The following TMEM196 variants were observed in gnomAD, a reference collection of about 807,000 sequenced individuals.
TMEM196 encodes the protein transmembrane protein 196.
TMEM196 carries 17 observed loss-of-function variants against 20.0 expected under a neutral mutation model. The observed-to-expected ratio is 0.85, with a 90% CI of 0.58 to 1.27. The LOEUF (loss-of-function observed/expected upper bound fraction) is 1.27, where lower values mean the gene tolerates loss of function less well. Among genes scored for constraint, TMEM196 ranks in the 50% most tolerant of loss-of-function variants. The probability of loss-of-function intolerance (pLI) is 0.00; values close to 1 mark genes in which losing one functional copy is unlikely to be tolerated. For synonymous variants in TMEM196, 113 were observed against 88.9 expected, an observed-to-expected ratio of 1.27 and a Z score of -1.52; for missense variants, 267 against 223.0, an observed-to-expected ratio of 1.20 and a Z score of -1.26.
At chr7:19,733,312 AG>A (rs1784279170) in intron 1 of TMEM196, among the ~76,000 whole-genome samples, 1 of 152,190 alleles carries the variant, frequency 6.6e-6, no homozygotes, top group Non-Finnish European at 1.5e-5. Context: ...AAAGATGCAA[AG>A]ATGTCATTTC....
At chr7:19,729,354 G>C (rs201160695) in intron 2 of TMEM196, 28 bp downstream of exon 2, 201 of 1,543,312 alleles carry the variant, frequency 1.3e-4, no homozygotes, top group Admixed American at 1.6e-4. Context: ...ACACCTCAAT[G>C]CACAATACAA....
At chr7:19,771,098 T>A (rs1785857394) in intron 1 of TMEM196, among the ~76,000 whole-genome samples, 2 of 152,180 alleles carry the variant, frequency 1.3e-5, no homozygotes, top group Admixed American at 1.3e-4. Flanking sequence ...TATTTCTGTT[T>A]ATATGATAAC....
rs1158209664 is a variant in TMEM196, at chr7:19,773,065, A to G, written c.-369T>C. The G allele has an allele frequency of 5.7e-6, 1 of 176,822 alleles. No individual in the cohort carries two copies. The highest frequency in any genetic ancestry group is 1.4e-4 in the East Asian group (1 of 6,904). 11.0% of individuals were successfully genotyped at this position (176,822 alleles called of 1,614,324 possible). On this transcript the variant is annotated 5_prime_UTR_variant, in exon 1 of 5. Transcript: ENST00000405844. Reference sequence around the variant, plus strand: ...CTGTCCAGAGTTCTGCCGCGTCCCAAATCTCCGCAGGGAAACCCGCGCCCT... The same window carrying G: ...CTGTCCAGAGTTCTGCCGCGTCCCAGATCTCCGCAGGGAAACCCGCGCCCT...
chr7:19,723,122 T>C (rs538795443), intron 4 of TMEM196, among the ~76,000 whole-genome samples: 2 of 152,132 alleles, frequency 1.3e-5, no homozygotes, highest in Non-Finnish European at 2.9e-5. Flanking sequence ...GAGATGTACA[T>C]GGTGAAAGTC....
chr7:19,748,262 C>CAA (rs1784832442), intron 1 of TMEM196, among the ~76,000 whole-genome samples: 1 of 27,530 alleles, frequency 3.6e-5, no homozygotes, highest in East Asian at 2.0e-3. Context: ...CTGTGGCTGT[C>CAA]CAAAAAAAAA....
chr7:19,720,848 A>G lies in TMEM196; in HGVS notation c.*1280T>C, dbSNP rs1783789239. The G allele has an allele frequency of 6.6e-6, 1 of 151,926 alleles. No homozygotes were observed. The highest frequency in any genetic ancestry group is 2.1e-4 in the South Asian group (1 of 4,836). The allele number at this position is 151,926 out of a possible 1,614,324, so 9.4% of individuals were successfully genotyped here. A position where few individuals can be genotyped will look rare whatever the true frequency, so the allele number is the denominator to read the frequency against. On this transcript the variant is annotated 3_prime_UTR_variant, in exon 5 of 5. Transcript: ENST00000405844. ...ACCTAAATTAGATTACAGCAAAGGT[A>G]ATTATAACTTCATTGTTGGGGGGTT...
At chr7:19,732,512 G>A (rs1398214666) in intron 1 of TMEM196, among the ~76,000 whole-genome samples, 2 of 150,342 alleles carry the variant, frequency 1.3e-5, no homozygotes, top group Non-Finnish European at 2.9e-5. Flanking sequence ...GGCGGAGCTT[G>A]CAGTGAGCCG....
intron 4 of TMEM196, among the ~76,000 whole-genome samples, chr7:19,722,800 C>A (rs1783855426): frequency 6.6e-6 from 1 of 152,088 alleles, no homozygotes; most frequent in South Asian, 2.1e-4. Flanking sequence ...TTGAAAGTTT[C>A]ATTTTCAATT....
chr7:19,753,570 TCTGA>T, intron 1 of TMEM196, among the ~76,000 whole-genome samples: 1 of 152,312 alleles, frequency 6.6e-6, no homozygotes, highest in Non-Finnish European at 1.5e-5. Flanking sequence ...TTCCCTTCAT[TCTGA>T]CTCTTAATTT....
chr7:19,759,498 CA>C (rs1453435955), intron 1 of TMEM196, among the ~76,000 whole-genome samples: 1 of 152,102 alleles, frequency 6.6e-6, no homozygotes. Flanking sequence ...ATATTTCTAG[CA>C]CAGCCCTTTC....
intron 1 of TMEM196, among the ~76,000 whole-genome samples, chr7:19,770,951 T>TG (rs200506720): frequency 0.03 from 4,565 of 151,578 alleles, 93 homozygotes; most frequent in South Asian, 0.066. Flanking sequence ...TGAATTTCGT[T>TG]GGGGGCGGGG....
rs564212524 is a variant in TMEM196, at chr7:19,737,829, A to G, written c.148-8391T>C. ...TAAAACTATTCTGTATGATATTGCA[A>G]TTGTGGACACATGATACTATCCTTT... On this transcript the variant is annotated intron_variant, in intron 1 of 4. Transcript: ENST00000405844. 1.1e-4 allele frequency among the ~76,000 whole-genome samples: 16 copies of G among 152,138 alleles called. 1 individual carries two copies. Among genetic ancestry groups the G allele is most frequent in the African/African-American group, 3.4e-4 (14 of 41,552 alleles).
At chr7:19,731,618 A>G (rs867641368) in intron 1 of TMEM196, among the ~76,000 whole-genome samples, 4 of 152,232 alleles carry the variant, frequency 2.6e-5, no homozygotes, top group Non-Finnish European at 4.4e-5. Flanking sequence ...TGTTCCTTGC[A>G]TCTGTTTTGA....
At chr7:19,725,323 G>T (rs2158382) in intron 3 of TMEM196, among the ~76,000 whole-genome samples, 191 bp downstream of exon 3, 115,488 of 152,080 alleles carry the variant, frequency 0.76, 45,331 homozygotes, top group East Asian at 1. Context: ...ACTACAAAAT[G>T]TTGTTGAAAA....
intron 2 of TMEM196, among the ~76,000 whole-genome samples, chr7:19,729,123 A>C (rs560482442): frequency 6.6e-6 from 1 of 152,322 alleles, no homozygotes; most frequent in Admixed American, 6.5e-5. Flanking sequence ...CATCCGTAGC[A>C]GTCATTAAAG....
rs917141214 is a variant in TMEM196 at position 19,772,719 on chromosome 7, C to T, written c.-23G>A. The T allele has an allele frequency of 4.7e-6, 7 of 1,477,972 alleles. No individual in the cohort carries two copies. The highest frequency in any genetic ancestry group is 2.6e-5 in the South Asian group (2 of 76,842). 91.6% of individuals were successfully genotyped at this position (1,477,972 alleles called of 1,614,324 possible). ...CATCCTTCCTCGGTCATCTTCCTTC[C>T]AGATCAGAGAGGGAAATCAACCATC... On this transcript the variant is annotated 5_prime_UTR_variant, in exon 1 of 5. Coordinates refer to ENST00000405844, the MANE Select transcript of TMEM196 (RefSeq NM_001363562.2).
intron 2 of TMEM196, among the ~76,000 whole-genome samples, chr7:19,728,299 T>A (rs957364309): frequency 6.6e-6 from 1 of 152,160 alleles, no homozygotes; most frequent in Non-Finnish European, 1.5e-5. Flanking sequence ...TAAAGAGTCT[T>A]CGTAGAGGAA....
chr7:19,730,173 G>T (rs901086213), intron 1 of TMEM196, among the ~76,000 whole-genome samples: 1 of 151,690 alleles, frequency 6.6e-6, no homozygotes, highest in East Asian at 1.9e-4. Flanking sequence ...GGAGAATGGC[G>T]TGAACCTGGG....
intron 1 of TMEM196, among the ~76,000 whole-genome samples, chr7:19,765,604 C>T (rs911420636): frequency 2.0e-5 from 3 of 152,060 alleles, no homozygotes; most frequent in Non-Finnish European, 2.9e-5. Context: ...ATAATGGTCA[C>T]CATATTCACA....
Sources: allele counts gnomAD v4.1 joint callset (sites outside exome capture counted in the v4.1 genomes callset), GRCh38; gene constraint gnomAD v4.1.1; transcripts MANE v1.5; gene names NCBI Gene and HGNC (gene_info 2026-07-23, HGNC 2026-07-21).